Variants in PPP1R9A observed in about 807,000 individuals in gnomAD.
PPP1R9A encodes the protein protein phosphatase 1 regulatory subunit 9A.
Under a neutral mutation model 141.9 loss-of-function variants are expected in PPP1R9A, and 59 were observed. The observed-to-expected ratio is 0.42, with a 90% CI of 0.34 to 0.52. The LOEUF is 0.52. PPP1R9A is among the 20% of genes least tolerant of loss of function. The pLI is 0.10. For missense variants in PPP1R9A, 1,444 were observed against 1,611.9 expected (o/e 0.90, Z 1.78); for synonymous variants, 500 against 569.7 (o/e 0.88, Z 1.74).
chr7:95,172,005 A>G (rs1036985362), intron 5 of PPP1R9A, among the ~76,000 whole-genome samples: 1 of 151,684 alleles, frequency 6.6e-6, no homozygotes, highest in Non-Finnish European at 1.5e-5. Context: ...AATTTTTCTT[A>G]CTGATAGGAT....
chr7:95,237,974 ATCTGCTGCTTTAAAG>A (rs759882713), intron 8 of PPP1R9A, among the ~76,000 whole-genome samples: 22 of 151,912 alleles, frequency 1.4e-4, no homozygotes, highest in Non-Finnish European at 2.5e-4. Flanking sequence ...TCAAATTTTC[ATCTGCTGCTTTAAAG>A]TTATACATTT....
At chr7:95,223,018 G>A (rs1047814380) in intron 7 of PPP1R9A, among the ~76,000 whole-genome samples, 1 of 151,942 alleles carries the variant, frequency 6.6e-6, no homozygotes, top group African/African-American at 2.4e-5. Flanking sequence ...ATTTAAGGTT[G>A]GAATGGCAAA....
intron 2 of PPP1R9A, among the ~76,000 whole-genome samples, chr7:95,041,413 C>T (rs1440991448): frequency 6.6e-6 from 1 of 152,126 alleles, no homozygotes; most frequent in Admixed American, 6.6e-5. Context: ...TAAAGTCTTC[C>T]AGAGAGCTCA....
chr7:95,143,526 G>T (rs538183706), intron 4 of PPP1R9A, among the ~76,000 whole-genome samples: 3 of 152,040 alleles, frequency 2.0e-5, no homozygotes, highest in African/African-American at 7.2e-5. Flanking sequence ...CTCTGCTTTC[G>T]AGTGTTTCTA....
At chr7:95,279,115 A>T (rs549853912) in intron 16 of PPP1R9A, among the ~76,000 whole-genome samples, 7 of 152,202 alleles carry the variant, frequency 4.6e-5, no homozygotes, top group Non-Finnish European at 8.8e-5. Context: ...TCATCCAAGG[A>T]TGACTTTTGT....
chr7:95,185,971 T>C (rs1834586009), intron 5 of PPP1R9A, among the ~76,000 whole-genome samples: 1 of 152,190 alleles, frequency 6.6e-6, no homozygotes, highest in Non-Finnish European at 1.5e-5. Context: ...CCTCCAGATT[T>C]GTTCTTTTTG....
At chr7:94,919,301 A>ATTTT (rs757456894) in intron 2 of PPP1R9A, among the ~76,000 whole-genome samples, 130 of 106,134 alleles carry the variant, frequency 1.2e-3, no homozygotes, top group Non-Finnish European at 1.9e-3. Flanking sequence ...GGATAATTAC[A>ATTTT]TTTTTTTTTT....
At chr7:95,174,584 A>G (rs1832626211) in intron 5 of PPP1R9A, among the ~76,000 whole-genome samples, 1 of 152,138 alleles carries the variant, frequency 6.6e-6, no homozygotes, top group Non-Finnish European at 1.5e-5. Flanking sequence ...AAAGCACCAT[A>G]CGAATTGATT....
intron 2 of PPP1R9A, among the ~76,000 whole-genome samples, chr7:95,003,225 C>T (rs1004348569): frequency 6.6e-6 from 1 of 152,116 alleles, no homozygotes; most frequent in Non-Finnish European, 1.5e-5. Context: ...TTTCAGTCAT[C>T]AGATTCAAGC....
At chr7:95,106,494 G>C (rs1197999644) in intron 2 of PPP1R9A, among the ~76,000 whole-genome samples, 1 of 152,076 alleles carries the variant, frequency 6.6e-6, no homozygotes, top group African/African-American at 2.4e-5. Flanking sequence ...TCAGTAGAGA[G>C]ATATACATCT....
intron 5 of PPP1R9A, among the ~76,000 whole-genome samples, chr7:95,169,316 C>A (rs1831753258): frequency 6.6e-6 from 1 of 151,620 alleles, no homozygotes; most frequent in Non-Finnish European, 1.5e-5. Flanking sequence ...GTTTTCAGTC[C>A]TATATAGGAG....
chr7:95,128,064 C>T (rs1228371968), intron 4 of PPP1R9A, among the ~76,000 whole-genome samples: 2 of 152,154 alleles, frequency 1.3e-5, no homozygotes, highest in East Asian at 3.8e-4. Flanking sequence ...TTGAATGGTA[C>T]TTCTGTGTTC....
chr7:95,085,364 C>T (rs1001466376), intron 2 of PPP1R9A, among the ~76,000 whole-genome samples: 3 of 150,944 alleles, frequency 2.0e-5, no homozygotes, highest in Non-Finnish European at 2.9e-5. Context: ...CCTCTCAGAG[C>T]GCTAGGATTA....
At chr7:95,033,691 T>G (rs570991111) in intron 2 of PPP1R9A, among the ~76,000 whole-genome samples, 2 of 152,276 alleles carry the variant, frequency 1.3e-5, no homozygotes, top group Admixed American at 1.3e-4. Flanking sequence ...GATTTTTGTG[T>G]GTGTCAGAGA....
intron 2 of PPP1R9A, among the ~76,000 whole-genome samples, chr7:95,037,635 A>G (rs893491360): frequency 1.3e-5 from 2 of 152,190 alleles, no homozygotes; most frequent in African/African-American, 2.4e-5. Context: ...AATATGCTCT[A>G]TTCATACATT....
At chr7:95,143,247 C>T (rs1218656704) in intron 4 of PPP1R9A, among the ~76,000 whole-genome samples, 1 of 152,060 alleles carries the variant, frequency 6.6e-6, no homozygotes, top group Non-Finnish European at 1.5e-5. Flanking sequence ...GCTTAGCTTT[C>T]TGGTGTCATT....
intron 2 of PPP1R9A, among the ~76,000 whole-genome samples, chr7:94,996,248 T>C (rs1802158017): frequency 6.6e-6 from 1 of 152,198 alleles, no homozygotes; most frequent in African/African-American, 2.4e-5. Flanking sequence ...AACATTTTCA[T>C]GTCCTGAAGA....
At position 95,120,823 on chromosome 7, in the gene PPP1R9A, G is replaced by C; in HGVS notation, c.1640G>C (p.Arg547Pro). The C allele has an allele frequency of 2.5e-6, 4 of 1,613,114 alleles. No individual in the cohort carries two copies. Among genetic ancestry groups the C allele is most frequent in the Non-Finnish European group, 3.4e-6 (4 of 1,179,582 alleles). ...KTVTEGGAAQ[R>P]DGRIQVNDQI... ...GTAACAGAAGGTGGTGCTGCTCAAC[G>C]GGATGGCAGGTAAATTAAGGACTGT... is the stretch of plus-strand genomic sequence containing the variant. Residue 547 changes from arginine to proline, a missense_variant, in exon 4 of 20, where the codon CGG becomes CCG. Arg to Pro is a moderately radical substitution (Grantham distance 103). This residue lies in a region of PPP1R9A where 488 missense variants were observed against 542.0 expected (regional missense o/e 0.90). Transcript: ENST00000433360.
chr7:95,273,694 C>G (rs1482573145), intron 14 of PPP1R9A, among the ~76,000 whole-genome samples: 2 of 152,172 alleles, frequency 1.3e-5, no homozygotes, highest in Non-Finnish European at 1.5e-5. Context: ...GAATGTTGAG[C>G]CTCTGTCCTA....
Sources: allele counts gnomAD v4.1 joint callset (sites outside exome capture counted in the v4.1 genomes callset), GRCh38; gene constraint gnomAD v4.1.1; regional missense constraint gnomAD v4.1.1; transcripts MANE v1.5; gene names NCBI Gene and HGNC (gene_info 2026-07-23, HGNC 2026-07-21).